Variants in CHM observed in about 807,000 individuals in gnomAD.
CHM encodes the protein rab proteins geranylgeranyltransferase component A 1.
A neutral mutation model predicts 49.0 loss-of-function variants in CHM; 10 were observed. The ratio of observed to expected loss-of-function variants is 0.20; its 90% CI spans 0.13 to 0.35. CHM has a LOEUF of 0.35. Ranked by LOEUF, CHM falls within the 10% of genes least tolerant of loss-of-function variation. The pLI, the probability that CHM is intolerant of heterozygous loss-of-function variation, is 1.00. For synonymous variants in CHM, 184 were observed against 167.5 expected, an observed-to-expected ratio of 1.10 and a Z score of -0.76; for missense variants, 455 against 478.4, an observed-to-expected ratio of 0.95 and a Z score of 0.46.
intron 8 of CHM, among the ~76,000 whole-genome samples, chrX:85,913,331 AAAAAGAAAGAAAGAAAGAAAGAAAG>A (rs1927196912): frequency 1.2e-5 from 1 of 80,969 alleles, no homozygotes; most frequent in South Asian, 5.8e-4. Flanking sequence ...AAAAAAAAAA[AAAAAGAAAGAAAGAAAGAAAGAAAG>A]AAAGAAAGAA....
intron 1 of CHM, among the ~76,000 whole-genome samples, chrX:86,032,212 T>A (rs1934070043): frequency 8.9e-6 from 1 of 112,247 alleles, no homozygotes; most frequent in Admixed American, 9.4e-5. Context: ...AAGCCCGACA[T>A]GAGTTAGAAA....
chrX:86,021,140 A>G lies in CHM; in HGVS notation c.116+6351T>C, dbSNP rs1381832198. ...TGTGTATATACGTATATATATATAT[A>G]TATATATATATATATATACACGTAT... On this transcript the variant is annotated intron_variant, in intron 2 of 14. Transcript: ENST00000357749. 3.1e-3 allele frequency among the ~76,000 whole-genome samples: 161 copies of G among 51,505 alleles called. 1 individual carries two copies. Among genetic ancestry groups the G allele is most frequent in the African/African-American group, 0.013 (152 of 11,327 alleles). 44.7% of individuals were successfully genotyped at this position (51,505 alleles called of 115,157 possible). A position where few individuals can be genotyped will look rare whatever the true frequency, so the allele number is the denominator to read the frequency against.
intron 8 of CHM, among the ~76,000 whole-genome samples, chrX:85,914,921 C>T (rs1176942819): frequency 9.0e-6 from 1 of 111,138 alleles, no homozygotes; most frequent in Non-Finnish European, 1.9e-5. Flanking sequence ...AGGGTTAGAG[C>T]ATGCAGCCCA....
chrX:86,013,334 G>A (rs1003867476), intron 2 of CHM, among the ~76,000 whole-genome samples: 1 of 111,915 alleles, frequency 8.9e-6, no homozygotes, highest in African/African-American at 3.2e-5. Flanking sequence ...AGGACCAGGT[G>A]AGGTCCAGGC....
At chrX:85,933,925 C>G (rs949763776) in intron 8 of CHM, among the ~76,000 whole-genome samples, 3 of 111,104 alleles carry the variant, frequency 2.7e-5, no homozygotes, top group Admixed American at 9.6e-5. Context: ...AGTGTTGTCA[C>G]TCAGTACATG....
intron 1 of CHM, among the ~76,000 whole-genome samples, chrX:86,030,115 T>C (rs1933983985): frequency 8.9e-6 from 1 of 112,359 alleles, no homozygotes. Flanking sequence ...GTTATTTCCA[T>C]GGCTGTGATC....
chrX:86,014,761 G>A (rs1027251268), intron 2 of CHM, among the ~76,000 whole-genome samples: 3 of 111,842 alleles, frequency 2.7e-5, no homozygotes, highest in African/African-American at 9.8e-5. Flanking sequence ...CAAGGCGGGC[G>A]GATCACAAAG....
intron 12 of CHM, among the ~76,000 whole-genome samples, chrX:85,892,981 T>C (rs2148142447): frequency 8.9e-6 from 1 of 111,922 alleles, no homozygotes; most frequent in African/African-American, 3.2e-5. Context: ...TAGAGTACAC[T>C]GTTTGTTGGT....
intron 8 of CHM, among the ~76,000 whole-genome samples, chrX:85,913,332 AAAAG>A (rs541125872): frequency 0.022 from 523 of 23,359 alleles, 17 homozygotes; most frequent in South Asian, 0.06. Flanking sequence ...AAAAAAAAAA[AAAAG>A]AAAGAAAGAA....
chrX:86,008,224 A>C (rs1231158936), intron 2 of CHM, among the ~76,000 whole-genome samples: 3 of 111,490 alleles, frequency 2.7e-5, no homozygotes, highest in Non-Finnish European at 5.6e-5. Flanking sequence ...ACTTGGACAC[A>C]GGGCGAGGAA....
intron 8 of CHM, among the ~76,000 whole-genome samples, chrX:85,955,557 G>A (rs5968745): frequency 0.23 from 25,263 of 111,411 alleles, 2,165 homozygotes; most frequent in Non-Finnish European, 0.25. Flanking sequence ...TGTGAGTTAG[G>A]TTGACAAAAA....
At chrX:85,970,398 G>A in intron 4 of CHM, 2 of 752,115 alleles carry the variant, frequency 2.7e-6, no homozygotes, top group Non-Finnish European at 3.1e-6. Flanking sequence ...ACTTTCTTAG[G>A]TGCTAGTCTT....
At chrX:85,980,356 G>T (rs1026871210) in intron 3 of CHM, among the ~76,000 whole-genome samples, 1 of 112,127 alleles carries the variant, frequency 8.9e-6, no homozygotes, top group Non-Finnish European at 1.9e-5. Context: ...GACTTACACA[G>T]TTTGAATTAT....
chrX:85,926,896 T>A (rs1928116701), intron 8 of CHM, among the ~76,000 whole-genome samples: 1 of 112,286 alleles, frequency 8.9e-6, no homozygotes, highest in Non-Finnish European at 1.9e-5. Context: ...GAGTTATTCT[T>A]ACATAGAATG....
chrX:86,044,759 C>T (rs1934592700), intron 1 of CHM, among the ~76,000 whole-genome samples: 1 of 111,676 alleles, frequency 9.0e-6, no homozygotes, highest in Admixed American at 9.5e-5. Flanking sequence ...TAGACCCTTA[C>T]CACATATATC....
At chrX:85,995,202 T>C (rs1031202225) in intron 2 of CHM, among the ~76,000 whole-genome samples, 8 of 105,598 alleles carry the variant, frequency 7.6e-5, no homozygotes, top group African/African-American at 2.8e-4. Flanking sequence ...TAAATTACTT[T>C]TAAATATTTT....
intron 8 of CHM, among the ~76,000 whole-genome samples, chrX:85,929,138 C>A (rs1016200589): frequency 8.9e-6 from 1 of 111,836 alleles, no homozygotes; most frequent in Non-Finnish European, 1.9e-5. Context: ...AAGCAAGCAG[C>A]AATGATGTGT....
intron 1 of CHM, among the ~76,000 whole-genome samples, chrX:86,035,323 C>A (rs1934193609): frequency 8.9e-6 from 1 of 111,739 alleles, no homozygotes; most frequent in Non-Finnish European, 1.9e-5. Context: ...AGAATGTCAA[C>A]CTCACAAATT....
In CHM at chrX:85,886,356, C is replaced by A. The variant is rs186704514; in HGVS notation, c.1511-7293G>T. 4.5e-5 allele frequency among the ~76,000 whole-genome samples: 5 copies of A among 111,626 alleles called. No individual in the cohort carries two copies. The Admixed American group carries it at 4.8e-4, about 11-fold the overall frequency. The stretch of plus-strand genomic sequence containing the variant: ...AATTATGTGAATTTTAAAACATGTT[C>A]TATTGTGCTCAGGATATGCTTTATT... On this transcript the variant is annotated intron_variant, in intron 12 of 14. Coordinates refer to ENST00000357749, the MANE Select transcript of CHM (RefSeq NM_000390.4).
Sources: gnomAD v4.1 joint callset for allele counts (sites outside exome capture counted in the v4.1 genomes callset) on GRCh38, gnomAD v4.1.1 for gene constraint, MANE v1.5 for transcripts, NCBI Gene and HGNC (gene_info 2026-07-23, HGNC 2026-07-21) for gene names.